The following OTUD4 variants were observed in gnomAD, a reference collection of about 807,000 sequenced individuals.
OTUD4 encodes OTU domain-containing protein 4.
OTUD4 carries 24 observed loss-of-function variants against 130.4 expected under a neutral mutation model. The ratio of observed to expected loss-of-function variants is 0.18; its 90% CI spans 0.13 to 0.26. OTUD4 has a LOEUF of 0.26. Among genes scored for constraint, OTUD4 ranks in the 10% least tolerant of loss-of-function variants. The pLI, the probability that OTUD4 is intolerant of heterozygous loss-of-function variation, is 1.00. For synonymous variants in OTUD4, 420 were observed against 472.5 expected (o/e 0.89, Z 1.44); for missense variants, 1,031 against 1,329.4 (o/e 0.78, Z 3.49).
At chr4:145,145,870 C>G (rs905275643) in intron 14 of OTUD4, among the ~76,000 whole-genome samples, 2 of 152,220 alleles carry the variant, frequency 1.3e-5, no homozygotes, top group East Asian at 3.8e-4. Flanking sequence ...CTACCACCTC[C>G]AACAGCAAAC....
At chr4:145,167,902 T>G (rs1411353769) in intron 3 of OTUD4, among the ~76,000 whole-genome samples, 1 of 152,018 alleles carries the variant, frequency 6.6e-6, no homozygotes, top group East Asian at 1.9e-4. Context: ...CTCAACAAAA[T>G]GCTACATGAG....
intron 13 of OTUD4, among the ~76,000 whole-genome samples, chr4:145,148,310 A>C (rs184711473): frequency 6.6e-6 from 1 of 152,148 alleles, no homozygotes; most frequent in East Asian, 1.9e-4. Context: ...GACCAGCCTG[A>C]CCAACATGGT....
At chr4:145,145,133 G>T (rs1750756008) in intron 14 of OTUD4, among the ~76,000 whole-genome samples, 1 of 152,112 alleles carries the variant, frequency 6.6e-6, no homozygotes, top group South Asian at 2.1e-4. Flanking sequence ...TAATAAGAAA[G>T]AAATTTCACC....
Position 145,155,422 on chromosome 4 carries a change from C to T in OTUD4, c.862G>A (p.Asp288Asn). The part of the protein sequence containing the change: ...IAAGLQYEVG[D>N]KCQVRLDHNG... ...CATAAGTCACTTACTTGACATTTGT[C>T]TCCAACTTCATATTGTAAGCCAGCA... is the stretch of plus-strand genomic sequence containing the variant. The change falls in exon 10 of 21, where the codon GAC (aspartate) becomes AAC (asparagine). Residue 288 changes from aspartate (D) to asparagine (N), a missense_variant. Asp to Asn is a conservative substitution (Grantham distance 23). Coordinates refer to ENST00000447906, the MANE Select transcript of OTUD4 (RefSeq NM_001366057.1). The T allele has an allele frequency of 6.2e-7, 1 of 1,609,626 alleles. No individual in the cohort carries two copies. The highest frequency in any genetic ancestry group is 8.5e-7 in the Non-Finnish European group (1 of 1,178,600).
intron 17 of OTUD4, among the ~76,000 whole-genome samples, chr4:145,143,076 A>C (rs577794428): frequency 2.6e-5 from 4 of 152,264 alleles, no homozygotes; most frequent in Non-Finnish European, 5.9e-5. Flanking sequence ...AAAGTAATAC[A>C]AAGTATCAAA....
rs1404847731 is a variant in OTUD4 at position 145,135,088 on chromosome 4, G to GA, written c.*2341dup. On this transcript the variant is annotated 3_prime_UTR_variant, in exon 21 of 21. Transcript: ENST00000447906. ...AATACATTTAAAAACAAACTTAAAG[G>GA]AAAAAAAGCGAAACCAACCTTCATG... The GA allele has an allele frequency of 6.4e-5, 18 of 281,956 alleles. No homozygotes were observed. The South Asian group carries it at 2.4e-3, about 38-fold the overall frequency. The allele number at this position is 281,956 out of a possible 1,614,324, so 17.5% of individuals were successfully genotyped here.
chr4:145,174,538 A>T, intron 2 of OTUD4, 123 bp downstream of exon 2: 3 of 597,840 alleles, frequency 5.0e-6, no homozygotes, highest in Non-Finnish European at 3.1e-6. Context: ...AAGTTTTTTT[A>T]ATAAGTGTTA....
intron 14 of OTUD4, among the ~76,000 whole-genome samples, chr4:145,144,792 G>A (rs1210904344): frequency 2.0e-5 from 3 of 152,000 alleles, no homozygotes; most frequent in East Asian, 1.9e-4. Flanking sequence ...TCATTGTAGC[G>A]CCATATTTTT....
rs560306064 is a variant in OTUD4, at chr4:145,160,545, G to A, written c.497-910C>T. Among the ~76,000 whole-genome samples, 22 of 152,250 alleles carry A rather than the reference G, an allele frequency of 1.4e-4. 1 individual carries two copies. In the South Asian group the frequency reaches 4.6e-3, roughly 32 times the overall value. The stretch of plus-strand genomic sequence containing the variant: ...ATCAACAATGGGGCCAGGTGTGGAG[G>A]CTCACACCTGTAATCCCAACACTTT... On this transcript the variant is annotated intron_variant, in intron 6 of 20. Transcript: ENST00000447906.
Position 145,142,207 on chromosome 4 carries a change from A to G in OTUD4, c.1811T>C (p.Phe604Ser). The G allele has an allele frequency of 6.2e-7, 1 of 1,613,722 alleles. No homozygotes were observed. Among genetic ancestry groups the G allele is most frequent in the South Asian group, 1.1e-5 (1 of 90,970 alleles). The change falls in exon 18 of 21, where the codon TTT becomes TCT. Residue 604 changes from phenylalanine to serine, a missense_variant. This residue lies in a region of OTUD4 where 900 missense variants were observed against 1,095.9 expected (regional missense o/e 0.82). Coordinates refer to ENST00000447906, the MANE Select transcript of OTUD4 (RefSeq NM_001366057.1). The part of the protein sequence containing the change: ...VPAWPSEPTT[F>S]GPTGVPAPIP... ...AACCCTTCTCTAACCTGTTGGTCCA[A>G]AAGTTGTAGGTTCACTTGGCCAGGC...
intron 2 of OTUD4, among the ~76,000 whole-genome samples, chr4:145,173,218 C>G (rs1752260900): frequency 6.6e-6 from 1 of 152,042 alleles, no homozygotes; most frequent in African/African-American, 2.4e-5. Context: ...GGTGAAACCC[C>G]ATCTCTACTA....
intron 6 of OTUD4, among the ~76,000 whole-genome samples, chr4:145,161,292 C>A (rs940361824): frequency 6.6e-6 from 1 of 152,168 alleles, no homozygotes; most frequent in African/African-American, 2.4e-5. Flanking sequence ...GCTCTAGGAG[C>A]TATCTTTCCC....
intron 2 of OTUD4, among the ~76,000 whole-genome samples, chr4:145,172,536 C>T (rs1361489239): frequency 6.6e-6 from 1 of 152,140 alleles, no homozygotes; most frequent in African/African-American, 2.4e-5. Flanking sequence ...TAATAGCAAT[C>T]GCACTCATTT....
At chr4:145,150,967 TGCA>T in intron 11 of OTUD4, 62 bp from the exon 12 acceptor site, 3 of 948,424 alleles carry the variant, frequency 3.2e-6, no homozygotes, top group South Asian at 2.1e-5. Flanking sequence ...TTAAATATTC[TGCA>T]TATTTATTTT....
Position 145,137,335 on chromosome 4 carries a change from T to C in OTUD4, c.*95A>G. 9.5e-7 allele frequency: 1 copy of C among 1,052,708 alleles called. No homozygotes were observed. Among genetic ancestry groups the C allele is most frequent in the South Asian group, 1.5e-5 (1 of 64,602 alleles). 65.2% of individuals were successfully genotyped at this position (1,052,708 alleles called of 1,614,324 possible). On this transcript the variant is annotated 3_prime_UTR_variant, in exon 21 of 21. Transcript: ENST00000447906. ...AGGGGGGCTGGGGAGAGGAAAGAGTTCCAACTGCGGTTTTTACTTTATTGT... is the reference window on the plus strand; with the variant it reads ...AGGGGGGCTGGGGAGAGGAAAGAGTCCCAACTGCGGTTTTTACTTTATTGT...
intron 6 of OTUD4, among the ~76,000 whole-genome samples, chr4:145,160,534 C>T (rs555099582): frequency 6.6e-6 from 1 of 152,258 alleles, no homozygotes; most frequent in South Asian, 2.1e-4. Flanking sequence ...ACAATGGGGC[C>T]AGGTGTGGAG....
intron 13 of OTUD4, among the ~76,000 whole-genome samples, chr4:145,149,857 C>T (rs930585469): frequency 1.3e-5 from 2 of 152,116 alleles, no homozygotes; most frequent in South Asian, 2.1e-4. Flanking sequence ...CATATTTGCA[C>T]GATGAAGACA....
Position 145,155,660 on chromosome 4 carries a change from A to C in OTUD4, c.717T>G (p.Thr239=). 1 of 1,609,304 alleles carries C rather than the reference A, an allele frequency of 6.2e-7. No individual in the cohort carries two copies. The highest frequency in any genetic ancestry group is 1.7e-5 in the Admixed American group (1 of 59,274). ...NEQLKNNGNS[T]SLPLSRKVLK... is the part of the protein sequence containing the mutation. ...GAACCTTTCTAGACAAAGGCAGGCTAGTAGAGTTCCCATTGTTCTTCAGCT... is the reference window on the plus strand; with the variant it reads ...GAACCTTTCTAGACAAAGGCAGGCTCGTAGAGTTCCCATTGTTCTTCAGCT... Residue 239 remains threonine (T), a synonymous_variant, in exon 9 of 21, where the codon ACT becomes ACG. Coordinates refer to ENST00000447906, the MANE Select transcript of OTUD4 (RefSeq NM_001366057.1).
At chr4:145,140,130 A>T (rs1173464551) in intron 19 of OTUD4, 139 bp from the exon 20 acceptor site, 1 of 354,506 alleles carries the variant, frequency 2.8e-6, no homozygotes, top group Non-Finnish European at 5.2e-6. Context: ...AAACATAGAT[A>T]AAAACTGTAA....
Sources: allele counts gnomAD v4.1 joint callset (sites outside exome capture counted in the v4.1 genomes callset), GRCh38; gene constraint gnomAD v4.1.1; regional missense constraint gnomAD v4.1.1; transcripts MANE v1.5; gene names NCBI Gene and HGNC (gene_info 2026-07-23, HGNC 2026-07-21).